Variants in ANKS1B observed in about 807,000 individuals in gnomAD.
ANKS1B encodes the protein ankyrin repeat and sterile alpha motif domain containing 1B.
A neutral mutation model predicts 148.3 loss-of-function variants in ANKS1B; 36 were observed. The observed-to-expected ratio is 0.24, with a 90% confidence interval of 0.19 to 0.32. ANKS1B has a LOEUF of 0.32. ANKS1B is among the 10% of genes least tolerant of loss of function. The pLI is 1.00. For synonymous variants in ANKS1B, 542 were observed against 560.8 expected, an observed-to-expected ratio of 0.97 and a Z score of 0.47; for missense variants, 1,157 against 1,542.6, an observed-to-expected ratio of 0.75 and a Z score of 4.19.
At chr12:99,251,397 T>C (rs1486627056) in intron 12 of ANKS1B, among the ~76,000 whole-genome samples, 3 of 152,220 alleles carry the variant, frequency 2.0e-5, no homozygotes, top group Non-Finnish European at 2.9e-5. Flanking sequence ...TTTTAAAAAG[T>C]ATACTTTGGA....
At chr12:99,260,572 T>C (rs1320418794) in intron 12 of ANKS1B, among the ~76,000 whole-genome samples, 1 of 152,176 alleles carries the variant, frequency 6.6e-6, no homozygotes, top group African/African-American at 2.4e-5. Flanking sequence ...AAATTATATC[T>C]AGGGAGTATG....
chr12:98,786,649 T>C (rs1304803533), intron 22 of ANKS1B, among the ~76,000 whole-genome samples: 1 of 152,234 alleles, frequency 6.6e-6, no homozygotes, highest in African/African-American at 2.4e-5. Flanking sequence ...CGAACTCTAA[T>C]CTCAGAGCAA....
intron 6 of ANKS1B, 45 bp downstream of exon 6, chr12:99,779,826 A>G (rs1362932729): frequency 1.4e-6 from 2 of 1,427,424 alleles, no homozygotes; most frequent in Non-Finnish European, 2.0e-6. Flanking sequence ...TTTTAATCTC[A>G]TCTTAACTTT....
At chr12:99,399,917 ATCTG>A in intron 11 of ANKS1B, 106 bp from the exon 12 acceptor site, 4 of 1,085,774 alleles carry the variant, frequency 3.7e-6, no homozygotes, top group Non-Finnish European at 5.5e-6. Flanking sequence ...GTTAAAAACT[ATCTG>A]GGTTTTATAC....
chr12:99,057,425 A>G (rs1263828640), intron 16 of ANKS1B, among the ~76,000 whole-genome samples: 1 of 152,102 alleles, frequency 6.6e-6, no homozygotes, highest in Non-Finnish European at 1.5e-5. Flanking sequence ...TCAGCTTCCA[A>G]TCAAAGCTCT....
intron 10 of ANKS1B, among the ~76,000 whole-genome samples, chr12:99,445,395 C>A (rs570275319): frequency 6.6e-6 from 1 of 151,984 alleles, no homozygotes; most frequent in African/African-American, 2.4e-5. Flanking sequence ...ATTTTCAGGG[C>A]AGTAAAACTA....
At chr12:98,798,491 TA>T (rs770480470) in intron 22 of ANKS1B, among the ~76,000 whole-genome samples, 1,756 of 143,060 alleles carry the variant, frequency 0.012, 18 homozygotes, top group African/African-American at 0.021. Flanking sequence ...TTTAAAAAAA[TA>T]AAAAAAAAAA....
At chr12:98,862,245 G>A (rs879441663) in intron 17 of ANKS1B, among the ~76,000 whole-genome samples, 1 of 152,146 alleles carries the variant, frequency 6.6e-6, no homozygotes, top group African/African-American at 2.4e-5. Context: ...CCTAGGGTCA[G>A]TCATCCTGGG....
chr12:98,874,406 G>A (rs2099681937), intron 17 of ANKS1B, among the ~76,000 whole-genome samples: 1 of 152,116 alleles, frequency 6.6e-6, no homozygotes, highest in South Asian at 2.1e-4. Context: ...ATTTTATTAG[G>A]GCATTTGGGA....
At chr12:98,907,816 A>G (rs181504583) in intron 17 of ANKS1B, among the ~76,000 whole-genome samples, 104 of 152,282 alleles carry the variant, frequency 6.8e-4, no homozygotes, top group Non-Finnish European at 1.1e-3. Flanking sequence ...CTAGTGAATC[A>G]GTCTCACAAG....
chr12:99,346,381 G>GTACACA (rs10661021), intron 12 of ANKS1B, among the ~76,000 whole-genome samples: 6 of 147,874 alleles, frequency 4.1e-5, no homozygotes, highest in African/African-American at 1.5e-4. Flanking sequence ...TCTCACACAC[G>GTACACA]CACACACACA....
intron 17 of ANKS1B, among the ~76,000 whole-genome samples, chr12:99,050,690 C>CTTTTTTTTTTT (rs62812561): frequency 8.8e-6 from 1 of 113,590 alleles, no homozygotes; most frequent in Non-Finnish European, 1.7e-5. Flanking sequence ...TTTTCTTTTT[C>CTTTTTTTTTTT]TTTTTTTTTT....
At chr12:99,761,414 T>G (rs546964024) in intron 8 of ANKS1B, among the ~76,000 whole-genome samples, 38 of 152,034 alleles carry the variant, frequency 2.5e-4, no homozygotes, top group African/African-American at 8.9e-4. Flanking sequence ...TAAATGGGAT[T>G]TACCACATAA....
chr12:99,062,782 G>A (rs1183503621), intron 16 of ANKS1B, among the ~76,000 whole-genome samples: 2 of 152,160 alleles, frequency 1.3e-5, no homozygotes, highest in Non-Finnish European at 1.5e-5. Flanking sequence ...AGAAGGGTCA[G>A]AGTCATAAAA....
chr12:99,540,699 A>C (rs1215364269), intron 9 of ANKS1B, among the ~76,000 whole-genome samples: 1 of 152,116 alleles, frequency 6.6e-6, no homozygotes, highest in Non-Finnish European at 1.5e-5. Flanking sequence ...GCCTATTTTT[A>C]AAAAGACATA....
chr12:99,150,862 T>C (rs1452184419), intron 15 of ANKS1B, among the ~76,000 whole-genome samples: 2 of 151,842 alleles, frequency 1.3e-5, no homozygotes, highest in Admixed American at 1.3e-4. Context: ...AGGGAGGTGA[T>C]GATATTTGAC....
At chr12:99,568,515 C>CAAAT (rs936902446) in intron 9 of ANKS1B, among the ~76,000 whole-genome samples, 2 of 152,170 alleles carry the variant, frequency 1.3e-5, no homozygotes, top group African/African-American at 4.8e-5. Flanking sequence ...TCACAACTTC[C>CAAAT]AAATACCTTT....
chr12:98,997,290 C>T (rs192480593), intron 17 of ANKS1B, among the ~76,000 whole-genome samples: 184 of 152,064 alleles, frequency 1.2e-3, no homozygotes, highest in African/African-American at 4.2e-3. Context: ...GCAAGGAGAT[C>T]CTTTCACTTT....
At chr12:99,095,513 T>A (rs2055723884) in intron 15 of ANKS1B, among the ~76,000 whole-genome samples, 1 of 152,146 alleles carries the variant, frequency 6.6e-6, no homozygotes, top group Admixed American at 6.5e-5. Flanking sequence ...GATAGATATC[T>A]CCATTGGATA....
Sources: gnomAD v4.1 joint callset for allele counts (sites outside exome capture counted in the v4.1 genomes callset) on GRCh38, gnomAD v4.1.1 for gene constraint, MANE v1.5 for transcripts, NCBI Gene and HGNC (gene_info 2026-07-23, HGNC 2026-07-21) for gene names.